The following DENND5B variants were observed in gnomAD, a reference collection of about 807,000 sequenced individuals.
The protein encoded by DENND5B is DENN domain-containing protein 5B.
Under a neutral mutation model 140.6 loss-of-function variants are expected in DENND5B, and 34 were observed. That is an observed-to-expected ratio of 0.24 (90% CI 0.18 to 0.32). The LOEUF (loss-of-function observed/expected upper bound fraction) is 0.32, where lower values mean the gene tolerates loss of function less well. Ranked by LOEUF, DENND5B falls within the 10% of genes least tolerant of loss-of-function variation. The pLI, the probability that DENND5B is intolerant of heterozygous loss-of-function variation, is 1.00. For missense variants in DENND5B, 1,142 were observed against 1,560.2 expected, an observed-to-expected ratio of 0.73 and a Z score of 4.52; for synonymous variants, 551 against 562.1, an observed-to-expected ratio of 0.98 and a Z score of 0.28.
chr12:31,486,209 G>A (rs113653712), intron 2 of DENND5B, among the ~76,000 whole-genome samples: 11 of 152,098 alleles, frequency 7.2e-5, no homozygotes, highest in Non-Finnish European at 1.0e-4. Context: ...GAAAGGATTC[G>A]TCCTTCTTAT....
chr12:31,573,713 G>A (rs1473925981), intron 1 of DENND5B, among the ~76,000 whole-genome samples: 1 of 152,196 alleles, frequency 6.6e-6, no homozygotes, highest in Non-Finnish European at 1.5e-5. Context: ...GGCATTTGCT[G>A]GCTATCCCTC....
At chr12:31,415,244 CT>C in intron 12 of DENND5B, 122 bp downstream of exon 12, 1 of 631,384 alleles carries the variant, frequency 1.6e-6, no homozygotes, top group Non-Finnish European at 2.6e-6. Flanking sequence ...ATAAAAAATG[CT>C]TTCTTCAGAA....
At chr12:31,534,673 G>C (rs1178947991) in intron 1 of DENND5B, 1 of 251,938 alleles carries the variant, frequency 4.0e-6, no homozygotes, top group African/African-American at 2.3e-5. Context: ...TTGCACGAAG[G>C]AGCCACTGGT....
chr12:31,554,811 T>G (rs1344112270), intron 1 of DENND5B, among the ~76,000 whole-genome samples: 1 of 152,246 alleles, frequency 6.6e-6, no homozygotes, highest in Non-Finnish European at 1.5e-5. Flanking sequence ...ATTCATTTCG[T>G]CTTCCATCAC....
chr12:31,504,580 A>G, intron 1 of DENND5B, among the ~76,000 whole-genome samples: 1 of 152,170 alleles, frequency 6.6e-6, no homozygotes, highest in East Asian at 1.9e-4. Flanking sequence ...ATCATGGTTA[A>G]ATATTTCTTC....
intron 1 of DENND5B, among the ~76,000 whole-genome samples, chr12:31,549,347 C>G (rs1948962599): frequency 6.6e-6 from 1 of 151,944 alleles, no homozygotes; most frequent in Non-Finnish European, 1.5e-5. Context: ...AAAAGGAATC[C>G]TGATTTTTTA....
At position 31,479,665 on chromosome 12, in the gene DENND5B, C is replaced by T; in HGVS notation, c.828G>A (p.Glu276=). Residue 276 remains glutamate, a synonymous_variant, in exon 3 of 21, where the codon GAG becomes GAA. Coordinates refer to ENST00000389082, the MANE Select transcript of DENND5B (RefSeq NM_144973.4). ...GCACCAGGTTCTCTAATCCCAGGAG[C>T]TCAAATGCCTCCCGAAGGGGGTAAT... ...LSDYPLREAF[E]LLGLENLVQV... is the part of the protein sequence containing the mutation. The T allele has an allele frequency of 6.3e-7, 1 of 1,574,822 alleles. No homozygotes were observed. The highest frequency in any genetic ancestry group is 8.6e-7 in the Non-Finnish European group (1 of 1,161,052).
Position 31,386,933 on chromosome 12 carries a change from C to T in DENND5B, c.*670G>A, listed in dbSNP as rs752775565. The T allele has an allele frequency of 6.6e-6, 1 of 152,222 alleles. No individual in the cohort carries two copies. Among genetic ancestry groups the T allele is most frequent in the Non-Finnish European group, 1.5e-5 (1 of 68,044 alleles). 9.4% of individuals were successfully genotyped at this position (152,222 alleles called of 1,614,324 possible). On this transcript the variant is annotated 3_prime_UTR_variant, in exon 21 of 21. Transcript: ENST00000389082. ...CACATTTCTCAGAGCTTTGTATGTT[C>T]TCTTTCCAGTTCAGCCAAGCTCCTG...
intron 8 of DENND5B, among the ~76,000 whole-genome samples, chr12:31,427,125 G>A (rs1943274259): frequency 6.6e-6 from 1 of 152,190 alleles, no homozygotes; most frequent in East Asian, 1.9e-4. Flanking sequence ...GCCCTACCTT[G>A]CCTTGTTCTA....
Position 31,531,014 on chromosome 12 carries a change from A to G in DENND5B, c.128-35095T>C, listed in dbSNP as rs80141401. On this transcript the variant is annotated intron_variant, in intron 1 of 20. Transcript: ENST00000389082. ...AAGGGAAGCAGAAACAGGCTAAGTAATTATTTTCAACACAGTTCATTATGC... is the reference window on the plus strand; with the variant it reads ...AAGGGAAGCAGAAACAGGCTAAGTAGTTATTTTCAACACAGTTCATTATGC... Among the ~76,000 whole-genome samples, 1,044 of 152,338 alleles carry G rather than the reference A, an allele frequency of 6.9e-3. 14 individuals are homozygous for G. Among genetic ancestry groups the G allele is most frequent in the African/African-American group, 0.024 (1,001 of 41,562 alleles).
rs115640066 is a variant in DENND5B, at chr12:31,500,166, T to C, written c.128-4247A>G. ...CTCAAAAAGTTCAAATTTTGGAGCA[T>C]TTTAGATCTCGGATTTTTGGATTAG... On this transcript the variant is annotated intron_variant, in intron 1 of 20. Transcript: ENST00000389082. 1.0e-2 allele frequency among the ~76,000 whole-genome samples: 1,522 copies of C among 152,296 alleles called. 27 individuals carry two copies. The highest frequency in any genetic ancestry group is 0.035 in the African/African-American group (1,435 of 41,540).
At chr12:31,475,527 C>T (rs367768590) in intron 3 of DENND5B, among the ~76,000 whole-genome samples, 11 of 152,156 alleles carry the variant, frequency 7.2e-5, no homozygotes, top group Admixed American at 2.0e-4. Context: ...GCAGGACGAT[C>T]GCTTGAGCCC....
rs565155392 is a variant in DENND5B at position 31,459,882 on chromosome 12, A to G, written c.1092+312T>C. On this transcript the variant is annotated intron_variant, in intron 4 of 20. Coordinates refer to ENST00000389082, the MANE Select transcript of DENND5B (RefSeq NM_144973.4). ...GCTGTATTGTTTAAAAACAAAATTT[A>G]TAACGTGAATAAAGAAAAAAAATAT... Among the ~76,000 whole-genome samples the G allele has an allele frequency of 2.0e-5, 3 of 152,312 alleles. No individual in the cohort carries two copies. The South Asian group carries it at 6.2e-4, about 32-fold the overall frequency.
intron 1 of DENND5B, among the ~76,000 whole-genome samples, chr12:31,552,537 G>A (rs1439219278): frequency 6.6e-6 from 1 of 152,114 alleles, no homozygotes; most frequent in African/African-American, 2.4e-5. Flanking sequence ...TTTTGGTTGT[G>A]TCTCTGCCAG....
intron 6 of DENND5B, among the ~76,000 whole-genome samples, chr12:31,446,622 C>A (rs1341334890): frequency 6.6e-6 from 1 of 152,100 alleles, no homozygotes; most frequent in African/African-American, 2.4e-5. Context: ...TAAGGCCGGG[C>A]GCAGTGGCTC....
intron 1 of DENND5B, among the ~76,000 whole-genome samples, chr12:31,547,702 A>G (rs1948910183): frequency 6.6e-6 from 1 of 151,726 alleles, no homozygotes; most frequent in Non-Finnish European, 1.5e-5. Flanking sequence ...GCCTCAAACT[A>G]AAAAGTTTGT....
chr12:31,590,173 C>A (rs1375767679), intron 1 of DENND5B: 1 of 152,284 alleles, frequency 6.6e-6, no homozygotes, highest in African/African-American at 2.4e-5. Flanking sequence ...AGAGTCCGAC[C>A]GGTCCCCGCC....
In DENND5B at chr12:31,442,999, T is replaced by G. The variant is rs577026817; in HGVS notation, c.1862-74A>C. 17 of 1,383,316 alleles carry G rather than the reference T, an allele frequency of 1.2e-5. No individual in the cohort carries two copies. In the East Asian group the frequency reaches 4.2e-4, roughly 35 times the overall value. The allele number at this position is 1,383,316 out of a possible 1,614,324, so 85.7% of individuals were successfully genotyped here. On this transcript the variant is annotated intron_variant, in intron 6 of 20. Transcript: ENST00000389082. ...TCAAAAATAATGCTTCCTCCACTCA[T>G]GCACCTACAGAGAACCCAATCACTC...
chr12:31,406,239 G>A (rs1593079735), intron 14 of DENND5B, among the ~76,000 whole-genome samples: 3 of 151,874 alleles, frequency 2.0e-5, no homozygotes, highest in African/African-American at 2.4e-5. Flanking sequence ...GAAGCCCTCC[G>A]TGAAAGATCT....
Sources: gnomAD v4.1 joint callset for allele counts (sites outside exome capture counted in the v4.1 genomes callset) on GRCh38, gnomAD v4.1.1 for gene constraint, MANE v1.5 for transcripts, NCBI Gene and HGNC (gene_info 2026-07-23, HGNC 2026-07-21) for gene names.